CACNA2D3: variants seen among roughly 807,000 people sequenced by gnomAD.
The protein encoded by CACNA2D3 is calcium voltage-gated channel auxiliary subunit alpha2delta 3.
Under a neutral mutation model 160.6 loss-of-function variants are expected in CACNA2D3, and 60 were observed. The ratio of observed to expected loss-of-function variants is 0.37; its 90% CI spans 0.30 to 0.46. The LOEUF is 0.46. Among genes scored for constraint, CACNA2D3 ranks in the 20% least tolerant of loss-of-function variants. CACNA2D3 has a pLI of 1.00. For synonymous variants in CACNA2D3, 558 were observed against 492.9 expected, an observed-to-expected ratio of 1.13 and a Z score of -1.75; for missense variants, 1,205 against 1,365.0, an observed-to-expected ratio of 0.88 and a Z score of 1.85.
Position 54,360,213 on chromosome 3 carries a change from T to C in CACNA2D3, c.322-26502T>C, listed in dbSNP as rs115525540. ...GCCAAAAATATTTACCATTTGGCTT[T>C]TTATAGAAATATTTGCTGACCCCTG... On this transcript the variant is annotated intron_variant, in intron 3 of 37. Coordinates refer to ENST00000474759, the MANE Select transcript of CACNA2D3 (RefSeq NM_018398.3). Among the ~76,000 whole-genome samples, 377 of 152,342 alleles carry C rather than the reference T, an allele frequency of 2.5e-3. 3 individuals carry two copies. The highest frequency in any genetic ancestry group is 8.8e-3 in the African/African-American group (364 of 41,562).
At chr3:54,804,817 C>G (rs564951849) in intron 13 of CACNA2D3, among the ~76,000 whole-genome samples, 1 of 152,280 alleles carries the variant, frequency 6.6e-6, no homozygotes, top group South Asian at 2.1e-4. Flanking sequence ...CTCTCCTCAG[C>G]AAATGTAAAA....
At chr3:54,853,697 T>C (rs1236255501) in intron 17 of CACNA2D3, among the ~76,000 whole-genome samples, 1 of 152,180 alleles carries the variant, frequency 6.6e-6, no homozygotes, top group Admixed American at 6.5e-5. Flanking sequence ...AGACAAAGTC[T>C]CTGCTTTTCC....
rs116795380 is a variant in CACNA2D3 at position 54,293,218 on chromosome 3, G to A, written c.205-27224G>A. On this transcript the variant is annotated intron_variant, in intron 2 of 37. Transcript: ENST00000474759. ...TTTTTTTATTTTCTTTTTTATTTCA[G>A]TAGGTTTTTGGGGAACAGGTGGTGT... Among the ~76,000 whole-genome samples the A allele has an allele frequency of 6.8e-3, 1,029 of 152,146 alleles. 11 individuals carry two copies. Among genetic ancestry groups the A allele is most frequent in the African/African-American group, 0.023 (961 of 41,512 alleles).
intron 20 of CACNA2D3, 69 bp downstream of exon 20, chr3:54,879,480 C>T (rs1035845074): frequency 8.0e-6 from 9 of 1,121,646 alleles, no homozygotes; most frequent in African/African-American, 7.8e-5. Context: ...AACCTGCTGA[C>T]ACTCTCAGAG....
rs371199078 is a variant in CACNA2D3 at position 55,007,972 on chromosome 3, T to C, written c.2819+130T>C. The C allele has an allele frequency of 1.3e-5, 8 of 602,206 alleles. No individual in the cohort carries two copies. In the South Asian group the frequency reaches 1.5e-4, roughly 11 times the overall value. 37.3% of individuals were successfully genotyped at this position (602,206 alleles called of 1,614,324 possible). A position where few individuals can be genotyped will look rare whatever the true frequency, so the allele number is the denominator to read the frequency against. On this transcript the variant is annotated intron_variant, in intron 33 of 37. Transcript: ENST00000474759. ...TTCCTAGTACTCTGAGATAACTTCATTGAACATCTCAAAATATTGAACACA... is the reference window on the plus strand; with the variant it reads ...TTCCTAGTACTCTGAGATAACTTCACTGAACATCTCAAAATATTGAACACA...
At chr3:54,812,957 T>C (rs1424757421) in intron 13 of CACNA2D3, among the ~76,000 whole-genome samples, 1 of 152,170 alleles carries the variant, frequency 6.6e-6, no homozygotes, top group Non-Finnish European at 1.5e-5. Flanking sequence ...AAGGAAAAAG[T>C]CCAATCAACA....
chr3:54,407,500 C>T (rs559393763), intron 4 of CACNA2D3, among the ~76,000 whole-genome samples: 1 of 152,224 alleles, frequency 6.6e-6, no homozygotes, highest in Non-Finnish European at 1.5e-5. Flanking sequence ...TGCCACATGT[C>T]ATTTATTCAT....
At chr3:54,427,991 A>G (rs1003167197) in intron 4 of CACNA2D3, among the ~76,000 whole-genome samples, 4 of 152,246 alleles carry the variant, frequency 2.6e-5, no homozygotes, top group Non-Finnish European at 5.9e-5. Flanking sequence ...AGCAGGAGGC[A>G]ACCAGCTGTT....
chr3:54,556,427 C>T (rs963055653), intron 5 of CACNA2D3, among the ~76,000 whole-genome samples: 10 of 152,162 alleles, frequency 6.6e-5, no homozygotes, highest in South Asian at 6.2e-4. Flanking sequence ...GATTAAGAGA[C>T]GGGCATGGAA....
intron 16 of CACNA2D3, among the ~76,000 whole-genome samples, chr3:54,842,950 A>T (rs1331529363): frequency 1.3e-5 from 2 of 148,212 alleles, no homozygotes. Context: ...AGAACTACCT[A>T]GGGTTGAGAG....
chr3:55,058,028 C>G (rs1704407566), intron 35 of CACNA2D3, among the ~76,000 whole-genome samples: 1 of 152,146 alleles, frequency 6.6e-6, no homozygotes, highest in Non-Finnish European at 1.5e-5. Context: ...AAGTCTAAAA[C>G]ATTGCCTTTC....
intron 3 of CACNA2D3, among the ~76,000 whole-genome samples, chr3:54,339,108 C>T (rs1337136674): frequency 2.0e-5 from 3 of 152,204 alleles, no homozygotes; most frequent in African/African-American, 7.2e-5. Context: ...AATCAGAATT[C>T]ATTGGCAAGG....
chr3:54,862,575 C>A (rs1699315712), intron 17 of CACNA2D3, among the ~76,000 whole-genome samples: 1 of 152,174 alleles, frequency 6.6e-6, no homozygotes, highest in African/African-American at 2.4e-5. Flanking sequence ...CAGCTTCCTG[C>A]CCTGCTTGTC....
chr3:55,063,135 G>A (rs748260002), intron 35 of CACNA2D3, among the ~76,000 whole-genome samples: 2 of 152,156 alleles, frequency 1.3e-5, no homozygotes, highest in African/African-American at 4.8e-5. Flanking sequence ...ACTGAATTGG[G>A]GTTCTCCAAA....
At chr3:54,174,898 GTT>G (rs1383054044) in intron 2 of CACNA2D3, among the ~76,000 whole-genome samples, 1 of 152,182 alleles carries the variant, frequency 6.6e-6, no homozygotes, top group East Asian at 1.9e-4. Flanking sequence ...TAGTGGCAGT[GTT>G]GGTGGAGGCA....
intron 2 of CACNA2D3, among the ~76,000 whole-genome samples, chr3:54,297,095 C>T (rs1703359451): frequency 6.6e-6 from 1 of 152,208 alleles, no homozygotes; most frequent in South Asian, 2.1e-4. Flanking sequence ...TTTAAACATG[C>T]ACTGTTAGGA....
chr3:55,051,495 C>T (rs1421657588), intron 35 of CACNA2D3, among the ~76,000 whole-genome samples: 1 of 151,964 alleles, frequency 6.6e-6, no homozygotes, highest in African/African-American at 2.4e-5. Context: ...GGGAGAACCA[C>T]TGCTCTCTTC....
intron 9 of CACNA2D3, among the ~76,000 whole-genome samples, chr3:54,584,211 A>T (rs2106743844): frequency 6.6e-6 from 1 of 152,344 alleles, no homozygotes; most frequent in South Asian, 2.1e-4. Context: ...CATGAATGAG[A>T]AAAAACAATC....
chr3:55,052,404 A>G (rs932807057), intron 35 of CACNA2D3, among the ~76,000 whole-genome samples: 5 of 151,240 alleles, frequency 3.3e-5, no homozygotes, highest in Non-Finnish European at 5.9e-5. Context: ...CATATATTCT[A>G]TATATATGTT....
Sources: allele counts gnomAD v4.1 joint callset (sites outside exome capture counted in the v4.1 genomes callset), GRCh38; gene constraint gnomAD v4.1.1; transcripts MANE v1.5; gene names NCBI Gene and HGNC (gene_info 2026-07-23, HGNC 2026-07-21).